IL16: variants seen among roughly 807,000 people sequenced by gnomAD.
IL16 encodes interleukin 16.
A neutral mutation model predicts 110.1 loss-of-function variants in IL16; 67 were observed. The ratio of observed to expected loss-of-function variants is 0.61; its 90% CI spans 0.50 to 0.75. IL16 has a LOEUF of 0.75. Among genes scored for constraint, IL16 ranks in the 30% least tolerant of loss-of-function variants. The pLI is 0.00. For synonymous variants in IL16, 689 were observed against 662.9 expected (o/e 1.04, Z -0.61); for missense variants, 1,545 against 1,655.0 (o/e 0.93, Z 1.15).
chr15:81,186,086 A>T (rs537909241), intron 1 of IL16, among the ~76,000 whole-genome samples: 1 of 152,138 alleles, frequency 6.6e-6, no homozygotes, highest in Admixed American at 6.5e-5. Flanking sequence ...CTGGCAGCCA[A>T]CCCCTCAGTG....
Position 81,300,487 on chromosome 15 carries a change from C to T in IL16, c.3149+12C>T. 6.4e-7 allele frequency: 1 copy of T among 1,571,210 alleles called. No homozygotes were observed. Among genetic ancestry groups the T allele is most frequent in the African/African-American group, 1.4e-5 (1 of 73,760 alleles). ...GGGTTCTCGCTCAAGTGAGTTTCTA[C>T]ACCCGGTGTTTCTCTTTACCTTTCT... On this transcript the variant is annotated intron_variant, in intron 14 of 18. Transcript: ENST00000683961.
At chr15:81,195,550 G>C (rs900798433), upstream of IL16, among the ~76,000 whole-genome samples, 2 of 152,154 alleles carry the variant, frequency 1.3e-5, no homozygotes, top group African/African-American at 4.8e-5. Context: ...TTTATCCCCA[G>C]AGTGCTCCCT....
chr15:81,294,519 G>A (rs1349512597), intron 12 of IL16, among the ~76,000 whole-genome samples: 1 of 152,188 alleles, frequency 6.6e-6, no homozygotes, highest in East Asian at 1.9e-4. Flanking sequence ...AGGAACTGGG[G>A]TGTCCTCAGG....
At chr15:81,183,656 A>G (rs1438386446) in intron 1 of IL16, among the ~76,000 whole-genome samples, 2 of 152,234 alleles carry the variant, frequency 1.3e-5, no homozygotes, top group Non-Finnish European at 2.9e-5. Flanking sequence ...TTTTCTAGCT[A>G]CAGAAAGATA....
chr15:81,196,656 G>T (rs541174626), upstream of IL16, among the ~76,000 whole-genome samples: 1 of 152,206 alleles, frequency 6.6e-6, no homozygotes, highest in Non-Finnish European at 1.5e-5. Flanking sequence ...TCCAAAGAAG[G>T]CAGGGGCAAC....
chr15:81,266,225 A>G (rs1302216264), intron 4 of IL16, among the ~76,000 whole-genome samples: 1 of 152,198 alleles, frequency 6.6e-6, no homozygotes, highest in African/African-American at 2.4e-5. Context: ...CTGGGACTTC[A>G]AGTCTGATCT....
chr15:81,252,763 G>A (rs937162955), intron 2 of IL16, among the ~76,000 whole-genome samples: 12 of 151,934 alleles, frequency 7.9e-5, no homozygotes, highest in Admixed American at 1.3e-4. Flanking sequence ...GGCTTCTTTC[G>A]TTTCATTTAA....
intron 2 of IL16, among the ~76,000 whole-genome samples, chr15:81,231,324 G>GTCTC (rs532872365): frequency 0.03 from 1,403 of 47,110 alleles, 346 homozygotes; most frequent in East Asian, 0.038. Context: ...AGGTCGGTCT[G>GTCTC]TCTCTCTCTC....
intron 5 of IL16, among the ~76,000 whole-genome samples, chr15:81,272,786 G>A (rs1384569007): frequency 6.6e-6 from 1 of 152,206 alleles, no homozygotes; most frequent in Non-Finnish European, 1.5e-5. Context: ...CAACTGGAGG[G>A]ACAGAGCCAG....
intron 8 of IL16, among the ~76,000 whole-genome samples, chr15:81,281,799 C>T (rs1208023159): frequency 6.6e-6 from 1 of 152,220 alleles, no homozygotes; most frequent in Non-Finnish European, 1.5e-5. Flanking sequence ...GCAAGTCTAT[C>T]TTCAAAATAT....
At chr15:81,244,104 C>T (rs911465249) in intron 2 of IL16, among the ~76,000 whole-genome samples, 1 of 152,126 alleles carries the variant, frequency 6.6e-6, no homozygotes, top group Admixed American at 6.5e-5. Context: ...TGAAGTGTAG[C>T]AAACTTATTT....
intron 1 of IL16, among the ~76,000 whole-genome samples, chr15:81,219,581 T>A (rs1896547892): frequency 6.6e-6 from 1 of 152,192 alleles, no homozygotes; most frequent in African/African-American, 2.4e-5. Flanking sequence ...TAGGTTCTCC[T>A]TCCAGGATGC....
intron 2 of IL16, among the ~76,000 whole-genome samples, chr15:81,242,098 A>G (rs976420157): frequency 1.3e-5 from 2 of 151,892 alleles, no homozygotes; most frequent in Non-Finnish European, 1.5e-5. Context: ...TCTCTATTCT[A>G]TGTATATCTC....
intron 1 of IL16, among the ~76,000 whole-genome samples, chr15:81,220,452 A>G (rs1200069115): frequency 6.6e-6 from 1 of 152,100 alleles, no homozygotes; most frequent in Non-Finnish European, 1.5e-5. Flanking sequence ...ACTGTACCCC[A>G]CCTAAGATAT....
At chr15:81,199,305 A>G (rs1895724427) in intron 1 of IL16, among the ~76,000 whole-genome samples, 2 of 152,112 alleles carry the variant, frequency 1.3e-5, no homozygotes, top group Non-Finnish European at 2.9e-5. Context: ...AATAAGGACG[A>G]ATCTATGTCA....
chr15:81,246,986 A>G (rs1350267782), intron 2 of IL16, among the ~76,000 whole-genome samples: 1 of 150,520 alleles, frequency 6.6e-6, no homozygotes, highest in East Asian at 1.9e-4. Context: ...TATTTGTAAT[A>G]TCTTCTTGTC....
chr15:81,252,461 T>C (rs1897798975), intron 2 of IL16, among the ~76,000 whole-genome samples: 1 of 152,208 alleles, frequency 6.6e-6, no homozygotes, highest in Admixed American at 6.5e-5. Flanking sequence ...AATATTCTAT[T>C]TTTTAATGGT....
In IL16 at chr15:81,268,030, A is replaced by G. The variant is rs186786793; in HGVS notation, c.565-1508A>G. Among the ~76,000 whole-genome samples the G allele has an allele frequency of 6.7e-3, 1,021 of 152,340 alleles. 15 individuals carry two copies. The highest frequency in any genetic ancestry group is 6.8e-3 in the Middle Eastern group (2 of 294). On this transcript the variant is annotated intron_variant, in intron 4 of 18. Coordinates refer to ENST00000683961, the MANE Select transcript of IL16 (RefSeq NM_172217.5). ...CACGGATGTCCATGCGTGATTTCAC[A>G]TTGTCTTCATAACAGCCCTCCAAAG...
At chr15:81,213,214 C>T (rs1002596071) in intron 1 of IL16, among the ~76,000 whole-genome samples, 4 of 152,104 alleles carry the variant, frequency 2.6e-5, no homozygotes, top group Non-Finnish European at 5.9e-5. Flanking sequence ...CTTCTTGATA[C>T]TGATTTCTAT....
Sources: allele counts gnomAD v4.1 joint callset (sites outside exome capture counted in the v4.1 genomes callset), GRCh38; gene constraint gnomAD v4.1.1; transcripts MANE v1.5; gene names NCBI Gene and HGNC (gene_info 2026-07-23, HGNC 2026-07-21).